The following ERCC3 variants were observed in gnomAD, a reference collection of about 807,000 sequenced individuals.
ERCC3 encodes the protein ERCC excision repair 3, TFIIH core complex helicase subunit, also known as general transcription and DNA repair factor IIH helicase/translocase subunit XPB.
In ERCC3, 66 loss-of-function variants were observed where a neutral mutation model predicts 94.2. That is an observed-to-expected ratio of 0.70 (90% CI 0.57 to 0.86). The LOEUF (loss-of-function observed/expected upper bound fraction) is 0.86, where lower values mean the gene tolerates loss of function less well. Among genes scored for constraint, ERCC3 ranks in the 40% least tolerant of loss-of-function variants. The pLI is 0.00. For missense variants in ERCC3, 829 were observed against 987.1 expected (o/e 0.84, Z 2.15); for synonymous variants, 349 against 369.1 (o/e 0.95, Z 0.63).
intron 12 of ERCC3, among the ~76,000 whole-genome samples, chr2:127,266,717 T>A (rs913582823): frequency 1.2e-4 from 15 of 129,176 alleles, no homozygotes; most frequent in Middle Eastern, 4.1e-3. Context: ...TTATTTTTTT[T>A]TTTTTTTTTT....
In ERCC3 at chr2:127,259,188, A is replaced by G; in HGVS notation, c.2217+108T>C. 7.4e-7 allele frequency: 1 copy of G among 1,352,824 alleles called. No homozygotes were observed. Among genetic ancestry groups the G allele is most frequent in the East Asian group, 2.4e-5 (1 of 42,270 alleles). 83.8% of individuals were successfully genotyped at this position (1,352,824 alleles called of 1,614,324 possible). ...CTTCCGTGTTTTCCAACATTTCCAA[A>G]AAAATCCCATGGGCCCATCCAGGCA... On this transcript the variant is annotated intron_variant, in intron 14 of 14. Transcript: ENST00000285398. This position sits in a 1 kb window ranked among gnomAD's most constrained non-coding sequence, Gnocchi z 4.9.
chr2:127,268,126 G>C (rs1453552123), intron 12 of ERCC3, among the ~76,000 whole-genome samples: 1 of 151,912 alleles, frequency 6.6e-6, no homozygotes, highest in Non-Finnish European at 1.5e-5. Context: ...GCTAATTTTT[G>C]TATTTTTAGT....
rs140586017 is a variant in ERCC3 at position 127,291,496 on chromosome 2, G to A, written c.471+1114C>T. Among the ~76,000 whole-genome samples, 135 of 152,198 alleles carry A rather than the reference G, an allele frequency of 8.9e-4. 2 individuals are homozygous for A. Among genetic ancestry groups the A allele is most frequent in the African/African-American group, 3.1e-3 (127 of 41,528 alleles). ...GGCTGGTCTTGAACTCCTGACCCCA[G>A]GTGGTCCACCCACCTCAGCCACCCA... On this transcript the variant is annotated intron_variant, in intron 3 of 14. Coordinates refer to ENST00000285398, the MANE Select transcript of ERCC3 (RefSeq NM_000122.2). The surrounding 1 kb of genome is among the most constrained non-coding windows in gnomAD (Gnocchi z 4.9).
chr2:127,274,908 C>A lies in ERCC3; in HGVS notation c.1731-1947G>T, dbSNP rs541209625. Among the ~76,000 whole-genome samples the A allele has an allele frequency of 2.0e-5, 3 of 152,106 alleles. No individual in the cohort carries two copies. In the South Asian group the frequency reaches 6.2e-4, roughly 32 times the overall value. On this transcript the variant is annotated intron_variant, in intron 10 of 14. Coordinates refer to ENST00000285398, the MANE Select transcript of ERCC3 (RefSeq NM_000122.2). This position sits in a 1 kb window ranked among gnomAD's most constrained non-coding sequence, Gnocchi z 4.0. ...CAAGCTGCCAGGCACAAGAATCCAC[C>A]CCCCACCATCAAGGGACACCAGGAC...
Position 127,288,707 on chromosome 2 carries a change from A to G in ERCC3, c.980T>C (p.Met327Thr). The change falls in exon 7 of 15, where the codon ATG (methionine) becomes ACG (threonine). Residue 327 changes from methionine to threonine, a missense_variant. By Grantham distance (81) the Met-to-Thr change is moderately conservative. Coordinates refer to ENST00000285398, the MANE Select transcript of ERCC3 (RefSeq NM_000122.2). ...RPYQEKSLRK[M>T]FGNGRARSGV... ...CGAACGTGCACGCCCGTTTCCAAAC[A>G]TCTTTCGCAAGCTCTTCTCCTGATA... 6.2e-7 allele frequency: 1 copy of G among 1,614,180 alleles called. No individual in the cohort carries two copies. Among genetic ancestry groups the G allele is most frequent in the Non-Finnish European group, 8.5e-7 (1 of 1,180,022 alleles).
chr2:127,274,134 T>G lies in ERCC3; in HGVS notation c.1731-1173A>C, dbSNP rs899797472. On this transcript the variant is annotated intron_variant, in intron 10 of 14. Transcript: ENST00000285398. The surrounding 1 kb of genome is among the most constrained non-coding windows in gnomAD (Gnocchi z 4.0). ...TTCGAGACCAGCCTGGCCAACATGG[T>G]GAGACCCCATCTCTACTAAAAATAA... is the stretch of plus-strand genomic sequence containing the variant. Among the ~76,000 whole-genome samples, 7 of 151,472 alleles carry G rather than the reference T, an allele frequency of 4.6e-5. No individual in the cohort carries two copies. The highest frequency in any genetic ancestry group is 1.3e-4 in the Admixed American group (2 of 15,202).
At chr2:127,289,899 G>C in intron 4 of ERCC3, 75 bp from the exon 5 acceptor site, 1 of 1,524,488 alleles carries the variant, frequency 6.6e-7, no homozygotes, top group Admixed American at 1.7e-5. Flanking sequence ...CATTCAATTA[G>C]ATGGTCTGGA....
At position 127,290,372 on chromosome 2, in the gene ERCC3, C is replaced by A. The variant is rs41269831; in HGVS notation, c.472-99G>T. On this transcript the variant is annotated intron_variant, in intron 3 of 14. Transcript: ENST00000285398. ...ACACCTACCAACCAAGTGAAAAGTT[C>A]ATTTTACTTTAGGGAAACCCAACTT... is the stretch of plus-strand genomic sequence containing the variant. The A allele has an allele frequency of 7.3e-3, 7,706 of 1,060,496 alleles. 123 individuals carry two copies. Among genetic ancestry groups the A allele is most frequent in the Non-Finnish European group, 5.3e-3 (3,615 of 680,654 alleles). The allele number at this position is 1,060,496 out of a possible 1,614,324, so 65.7% of individuals were successfully genotyped here.
chr2:127,269,759 A>G (rs1298651496), intron 12 of ERCC3, among the ~76,000 whole-genome samples: 3 of 148,310 alleles, frequency 2.0e-5, no homozygotes, highest in East Asian at 4.4e-4. Context: ...GGCTAGGCAC[A>G]GTGGCTCACA....
At chr2:127,288,564 G>A (rs572228124) in intron 7 of ERCC3, 96 bp downstream of exon 7, 4 of 1,070,104 alleles carry the variant, frequency 3.7e-6, no homozygotes, top group Non-Finnish European at 5.8e-6. Flanking sequence ...TTTCAGCAAG[G>A]TGTGATTTAG....
At chr2:127,261,512 T>C (rs376553690) in intron 12 of ERCC3, 166 bp from the exon 13 acceptor site, 20 of 691,604 alleles carry the variant, frequency 2.9e-5, no homozygotes, top group African/African-American at 2.8e-4. Flanking sequence ...TGGAAGTCTT[T>C]TGTGCTTCCA....
chr2:127,292,009 A>T (rs753520111), intron 3 of ERCC3: 1 of 176,030 alleles, frequency 5.7e-6, no homozygotes, highest in Non-Finnish European at 1.2e-5. Flanking sequence ...CTGAAAGTCT[A>T]TGATCAAGGT....
chr2:127,269,005 A>G (rs1443430675), intron 12 of ERCC3, among the ~76,000 whole-genome samples: 3 of 152,224 alleles, frequency 2.0e-5, no homozygotes, highest in African/African-American at 7.2e-5. Context: ...CTAAGTGACT[A>G]ATGGGTGGGG....
At position 127,272,866 on chromosome 2, in the gene ERCC3, T is replaced by G. The variant is rs1449752433; in HGVS notation, c.1826A>C (p.Lys609Thr). ...CTCCACCCCATATGCCACACAAACC[T>G]TGGATATGAAGATGGTGTTAATTTT... ...NPKINTIFIS[K>T]VGDTSFDLPE... is the part of the protein sequence containing the mutation. The change falls in exon 11 of 15, where the codon AAG (lysine) becomes ACG (threonine). Residue 609 changes from lysine (K) to threonine (T), a missense_variant and splice_region_variant. Physicochemically the swap from Lys to Thr is moderately conservative, Grantham distance 78 (BLOSUM62 -1). Coordinates refer to ENST00000285398, the MANE Select transcript of ERCC3 (RefSeq NM_000122.2). The G allele has an allele frequency of 1.3e-5, 21 of 1,609,040 alleles. No homozygotes were observed. Among genetic ancestry groups the G allele is most frequent in the Non-Finnish European group, 1.7e-5 (20 of 1,175,590 alleles).
At chr2:127,289,200 TA>T in intron 6 of ERCC3, 136 bp downstream of exon 6, 1 of 788,762 alleles carries the variant, frequency 1.3e-6, no homozygotes, top group Non-Finnish European at 2.2e-6. Flanking sequence ...TCACAGATAA[TA>T]AAAAGGAGAA....
At chr2:127,261,593 T>C (rs926813792) in intron 12 of ERCC3, 3 of 494,884 alleles carry the variant, frequency 6.1e-6, no homozygotes, top group African/African-American at 5.8e-5. Context: ...GATAAGGGAT[T>C]TGTATCTAGG....
rs1684087561 is a variant in ERCC3, at chr2:127,258,440, T to C, written c.2218-713A>G. 1.3e-5 allele frequency among the ~76,000 whole-genome samples: 2 copies of C among 152,184 alleles called. No homozygotes were observed. Among genetic ancestry groups the C allele is most frequent in the African/African-American group, 2.4e-5 (1 of 41,440 alleles). On this transcript the variant is annotated intron_variant, in intron 14 of 14. Coordinates refer to ENST00000285398, the MANE Select transcript of ERCC3 (RefSeq NM_000122.2). The surrounding 1 kb of genome is among the most constrained non-coding windows in gnomAD (Gnocchi z 4.1). ...GGGGATAACCACATCAGTGCTGACA[T>C]TGCTATCCTGTGAGGAGAATGAACC...
rs757427125 is a variant in ERCC3, at chr2:127,279,607, C to CA, written c.1528-233dup. ...TGAAACCCAGTCTCTACTAAAAATA[C>CA]AAAAATTAGCTGGGTGTGGTAGTGC... On this transcript the variant is annotated intron_variant, in intron 9 of 14. Transcript: ENST00000285398. The surrounding 1 kb of genome is among the most constrained non-coding windows in gnomAD (Gnocchi z 4.7). 1.3e-5 allele frequency among the ~76,000 whole-genome samples: 2 copies of CA among 152,008 alleles called. No individual in the cohort carries two copies. Among genetic ancestry groups the CA allele is most frequent in the Non-Finnish European group, 2.9e-5 (2 of 68,000 alleles).
At position 127,288,692 on chromosome 2, in the gene ERCC3, C is replaced by T. The variant is rs756787161; in HGVS notation, c.995G>A (p.Arg332His). Residue 332 changes from arginine to histidine, a missense_variant, in exon 7 of 15, where the codon CGT (arginine) becomes CAT (histidine). Transcript: ENST00000285398. The stretch of plus-strand genomic sequence containing the variant: ...AAGAACAATGACCCCCGAACGTGCA[C>T]GCCCGTTTCCAAACATCTTTCGCAA... ...KSLRKMFGNG[R>H]ARSGVIVLPC... is the part of the protein sequence containing the mutation. 1.2e-6 allele frequency: 2 copies of T among 1,614,124 alleles called. No homozygotes were observed. The highest frequency in any genetic ancestry group is 8.5e-7 in the Non-Finnish European group (1 of 1,179,986).
Sources: allele counts gnomAD v4.1 joint callset (sites outside exome capture counted in the v4.1 genomes callset), GRCh38; gene constraint gnomAD v4.1.1; non-coding constraint Gnocchi (gnomAD v3.1); transcripts MANE v1.5; gene names NCBI Gene and HGNC (gene_info 2026-07-23, HGNC 2026-07-21).